The following SMOC2 variants were observed in gnomAD, a reference collection of about 807,000 sequenced individuals.
SMOC2 encodes SPARC-related modular calcium-binding protein 2.
SMOC2 carries 39 observed loss-of-function variants against 61.4 expected under a neutral mutation model. The ratio of observed to expected loss-of-function variants is 0.64; its 90% CI spans 0.49 to 0.83. The LOEUF (loss-of-function observed/expected upper bound fraction) is 0.83. SMOC2 is among the 40% of genes least tolerant of loss of function. The probability of loss-of-function intolerance (pLI) is 0.00; values close to 1 mark genes in which losing one functional copy is unlikely to be tolerated. For missense variants in SMOC2, 556 were observed against 592.9 expected, an observed-to-expected ratio of 0.94 and a Z score of 0.65; for synonymous variants, 247 against 239.9, an observed-to-expected ratio of 1.03 and a Z score of -0.27.
intron 9 of SMOC2, among the ~76,000 whole-genome samples, chr6:168,630,089 C>T (rs78454315): frequency 0.028 from 4,192 of 152,180 alleles, 93 homozygotes; most frequent in Non-Finnish European, 0.045. Context: ...ATGGTTGCAG[C>T]GTCTCGTTCA....
At chr6:168,642,513 G>C (rs773216915) in intron 9 of SMOC2, among the ~76,000 whole-genome samples, 27 of 151,994 alleles carry the variant, frequency 1.8e-4, no homozygotes, top group Non-Finnish European at 3.4e-4. Context: ...ACCATCACTG[G>C]CCAGGACTTC....
intron 7 of SMOC2, 134 bp from the exon 8 acceptor site, chr6:168,598,684 C>T: frequency 1.0e-6 from 1 of 1,001,520 alleles, no homozygotes; most frequent in Non-Finnish European, 1.5e-6. Flanking sequence ...GCCCCCCACG[C>T]TGGCAGGCCC....
At chr6:168,556,486 C>T (rs1475383272) in intron 7 of SMOC2, among the ~76,000 whole-genome samples, 1 of 152,178 alleles carries the variant, frequency 6.6e-6, no homozygotes, top group East Asian at 1.9e-4. Flanking sequence ...TGCCTCATCT[C>T]CTTTATTTCA....
intron 9 of SMOC2, among the ~76,000 whole-genome samples, chr6:168,620,306 A>G (rs1298291021): frequency 6.6e-6 from 1 of 152,048 alleles, no homozygotes; most frequent in Non-Finnish European, 1.5e-5. Flanking sequence ...AGAATTACAA[A>G]TCCCTTTGTT....
chr6:168,531,547 G>A (rs1319807429), intron 4 of SMOC2, among the ~76,000 whole-genome samples: 1 of 152,182 alleles, frequency 6.6e-6, no homozygotes, highest in Non-Finnish European at 1.5e-5. Context: ...GGGCTGGGAA[G>A]GAAAGACCCA....
At chr6:168,616,357 C>A (rs1011657100) in intron 9 of SMOC2, among the ~76,000 whole-genome samples, 1 of 152,216 alleles carries the variant, frequency 6.6e-6, no homozygotes, top group Non-Finnish European at 1.5e-5. Flanking sequence ...CTCAGACTCT[C>A]CATGACCCAT....
In SMOC2 at chr6:168,585,630, C is replaced by T. The variant is rs144252154; in HGVS notation, c.638-13188C>T. On this transcript the variant is annotated intron_variant, in intron 7 of 12. Transcript: ENST00000356284. ...ATTTCACACTCACAGGAGGAATGTCCGAGGCCTCCCACTGCTCCTCAGCTC... is the reference window on the plus strand; with the variant it reads ...ATTTCACACTCACAGGAGGAATGTCTGAGGCCTCCCACTGCTCCTCAGCTC... 4.4e-3 allele frequency among the ~76,000 whole-genome samples: 676 copies of T among 152,298 alleles called. 4 individuals are homozygous for T. Among genetic ancestry groups the T allele is most frequent in the African/African-American group, 0.016 (648 of 41,578 alleles).
chr6:168,655,550 T>C (rs1005671553), intron 11 of SMOC2: 1 of 391,674 alleles, frequency 2.6e-6, no homozygotes, highest in Non-Finnish European at 5.2e-6. Context: ...CCTGCATGTG[T>C]GTGCTGGATC....
intron 7 of SMOC2, among the ~76,000 whole-genome samples, chr6:168,588,120 C>G (rs1562364808): frequency 9.1e-6 from 1 of 110,358 alleles, no homozygotes; most frequent in African/African-American, 2.9e-5. Context: ...CTCCCTCACC[C>G]TTTTTTTTGT....
chr6:168,608,021 C>A, intron 8 of SMOC2, 136 bp from the exon 9 acceptor site: 1 of 722,814 alleles, frequency 1.4e-6, no homozygotes, highest in South Asian at 1.9e-5. Context: ...GTGAGGAGGT[C>A]ATGGGTGTCA....
chr6:168,566,612 G>C lies in SMOC2; in HGVS notation c.637+17409G>C, dbSNP rs562707277. Among the ~76,000 whole-genome samples, 76 of 151,580 alleles carry C rather than the reference G, an allele frequency of 5.0e-4. 1 individual carries two copies. Among genetic ancestry groups the C allele is most frequent in the African/African-American group, 1.8e-3 (74 of 41,322 alleles). On this transcript the variant is annotated intron_variant, in intron 7 of 12. Transcript: ENST00000356284. ...ATTCTCCTGCCTCAGCCTCCGAGTA[G>C]CTGGGACTACAGGCACGTGGCACCA...
intron 9 of SMOC2, among the ~76,000 whole-genome samples, chr6:168,621,714 CTCACG>C: frequency 3.2e-5 from 1 of 31,572 alleles, no homozygotes; most frequent in Non-Finnish European, 6.7e-5. Context: ...ACCATCAGAT[CTCACG>C]ATCTCACGCG....
At chr6:168,502,043 G>T (rs1428617148) in intron 1 of SMOC2, among the ~76,000 whole-genome samples, 1 of 152,082 alleles carries the variant, frequency 6.6e-6, no homozygotes, top group Non-Finnish European at 1.5e-5. Context: ...TTCTAATTTA[G>T]CTCCCTTTTT....
At chr6:168,532,092 T>G (rs1429830216) in intron 4 of SMOC2, among the ~76,000 whole-genome samples, 1 of 152,120 alleles carries the variant, frequency 6.6e-6, no homozygotes, top group Admixed American at 6.5e-5. Context: ...GAGATGTATG[T>G]GCTTCTCAGA....
In SMOC2 at chr6:168,534,630, T is replaced by C. The variant is rs151122650; in HGVS notation, c.463+6903T>C. On this transcript the variant is annotated intron_variant, in intron 4 of 12. Transcript: ENST00000356284. ...GATAGACAATATTCTGGTGTAACTT[T>C]TTCTATTCAGGAAAAATATTTATTA... 9.2e-5 allele frequency among the ~76,000 whole-genome samples: 14 copies of C among 152,372 alleles called. No homozygotes were observed. In the East Asian group the frequency reaches 2.7e-3, roughly 29 times the overall value.
chr6:168,659,409 G>A (rs1208441552), intron 11 of SMOC2, among the ~76,000 whole-genome samples: 1 of 151,084 alleles, frequency 6.6e-6, no homozygotes, highest in African/African-American at 2.4e-5. Context: ...CTATAAATGA[G>A]GTGGCCAGGT....
rs578042483 is a variant in SMOC2, at chr6:168,518,768, CGT to C, written c.257-7572_257-7571del. On this transcript the variant is annotated intron_variant, in intron 2 of 12. Transcript: ENST00000356284. ...ATGTGCATGTGTGTGTGTTCATGTG[CGT>C]GTGTGCATGTGTGAAAGCATGTATG... 4.5e-3 allele frequency among the ~76,000 whole-genome samples: 651 copies of C among 144,876 alleles called. 2 individuals carry two copies. Among genetic ancestry groups the C allele is most frequent in the African/African-American group, 0.015 (583 of 38,690 alleles).
At chr6:168,482,350 A>T (rs2115024431) in intron 1 of SMOC2, among the ~76,000 whole-genome samples, 1 of 152,122 alleles carries the variant, frequency 6.6e-6, no homozygotes, top group South Asian at 2.1e-4. Context: ...CTAGAAAAAT[A>T]AAACCTACCA....
chr6:168,629,027 G>T (rs1449088705), intron 9 of SMOC2, among the ~76,000 whole-genome samples: 2 of 152,244 alleles, frequency 1.3e-5, no homozygotes, highest in African/African-American at 4.8e-5. Flanking sequence ...GGGACTCACG[G>T]CCTCTTTTCA....
Sources: gnomAD v4.1 joint callset for allele counts (sites outside exome capture counted in the v4.1 genomes callset) on GRCh38, gnomAD v4.1.1 for gene constraint, MANE v1.5 for transcripts, NCBI Gene and HGNC (gene_info 2026-07-23, HGNC 2026-07-21) for gene names.